Variants in CADM2 observed in about 807,000 individuals in gnomAD.
The protein encoded by CADM2 is immunoglobulin superfamily member 4D.
In CADM2, 12 loss-of-function variants were observed where a neutral mutation model predicts 49.8. The ratio of observed to expected loss-of-function variants is 0.24; its 90% CI spans 0.15 to 0.39. The LOEUF is 0.39. Ranked by LOEUF, CADM2 falls within the 10% of genes least tolerant of loss-of-function variation. The pLI is 1.00. For missense variants in CADM2, 378 were observed against 492.3 expected (o/e 0.77, Z 2.20); for synonymous variants, 214 against 175.4 (o/e 1.22, Z -1.74).
intron 1 of CADM2, among the ~76,000 whole-genome samples, chr3:85,195,542 GACACACACACACAC>G (rs71108270): frequency 6.8e-6 from 1 of 146,870 alleles, no homozygotes; most frequent in East Asian, 2.0e-4. Context: ...AAACCAGCAA[GACACACACACACAC>G]ACACACACAC....
intron 8 of CADM2, among the ~76,000 whole-genome samples, chr3:86,065,040 G>T (rs1328885469): frequency 6.6e-6 from 1 of 152,054 alleles, no homozygotes; most frequent in Non-Finnish European, 1.5e-5. Flanking sequence ...CTCCTTTTCA[G>T]TCTGCACAAC....
chr3:85,577,758 ATTG>A (rs915706523), intron 1 of CADM2, among the ~76,000 whole-genome samples: 11 of 152,120 alleles, frequency 7.2e-5, no homozygotes, highest in East Asian at 3.9e-4. Flanking sequence ...CTCTATTTTT[ATTG>A]TTGTTTTATT....
intron 5 of CADM2, among the ~76,000 whole-genome samples, chr3:85,910,347 A>G (rs529854119): frequency 6.6e-6 from 1 of 152,192 alleles, no homozygotes; most frequent in African/African-American, 2.4e-5. Context: ...AAAAGAAAAT[A>G]AATGTAAAAA....
chr3:85,820,268 C>A (rs1553692119), intron 3 of CADM2, among the ~76,000 whole-genome samples: 3 of 152,062 alleles, frequency 2.0e-5, no homozygotes, highest in South Asian at 2.1e-4. Context: ...GAGAAACGAG[C>A]AGAGAGTGTT....
intron 8 of CADM2, chr3:86,014,516 C>A: frequency 1.3e-6 from 2 of 1,564,538 alleles, no homozygotes; most frequent in Non-Finnish European, 1.7e-6. Context: ...ACAGTGTTCA[C>A]CAAGGTAACT....
intron 2 of CADM2, among the ~76,000 whole-genome samples, chr3:85,784,477 GTAT>G (rs1375657784): frequency 6.6e-6 from 1 of 151,798 alleles, no homozygotes; most frequent in Non-Finnish European, 1.5e-5. Context: ...TAAGAATCAG[GTAT>G]TATTAATATG....
At chr3:85,271,453 T>C (rs1163104794) in intron 1 of CADM2, among the ~76,000 whole-genome samples, 1 of 151,246 alleles carries the variant, frequency 6.6e-6, no homozygotes, top group Admixed American at 6.6e-5. Context: ...CATAGTATAA[T>C]TGGGTCATAA....
At chr3:85,607,138 T>G (rs1179684815) in intron 1 of CADM2, among the ~76,000 whole-genome samples, 1 of 151,984 alleles carries the variant, frequency 6.6e-6, no homozygotes, top group Non-Finnish European at 1.5e-5. Flanking sequence ...GAAAAAAAAT[T>G]AAGAGGTTTA....
chr3:85,802,235 A>G (rs768410792), intron 3 of CADM2, 39 bp downstream of exon 3: 1 of 1,534,726 alleles, frequency 6.5e-7, no homozygotes, highest in Non-Finnish European at 8.9e-7. Context: ...ATCGTATTCT[A>G]AAATATCCTA....
intron 1 of CADM2, among the ~76,000 whole-genome samples, chr3:85,530,242 C>T (rs1270826541): frequency 6.6e-6 from 1 of 151,742 alleles, no homozygotes; most frequent in African/African-American, 2.4e-5. Flanking sequence ...CTTCCTCTAC[C>T]GCCATGATTG....
chr3:85,428,637 A>G (rs2036528526), intron 1 of CADM2, among the ~76,000 whole-genome samples: 2 of 146,284 alleles, frequency 1.4e-5, no homozygotes, highest in South Asian at 4.2e-4. Flanking sequence ...ATATAAAAAT[A>G]TAAGAATTAT....
At position 85,447,575 on chromosome 3, in the gene CADM2, G is replaced by T. The variant is rs910029955; in HGVS notation, c.62-278947G>T. Among the ~76,000 whole-genome samples the T allele has an allele frequency of 4.6e-5, 7 of 152,230 alleles. No individual in the cohort carries two copies. In the East Asian group the frequency reaches 1.2e-3, roughly 25 times the overall value. ...TCATTAATCGTGTTTATTCAAGTTT[G>T]CATTCTATCTACAGCACACGTTGTG... On this transcript the variant is annotated intron_variant, in intron 1 of 9. Transcript: ENST00000383699.
At chr3:85,917,498 G>A (rs1422283964) in intron 6 of CADM2, among the ~76,000 whole-genome samples, 3 of 152,102 alleles carry the variant, frequency 2.0e-5, no homozygotes, top group Non-Finnish European at 2.9e-5. Context: ...CATTATTTCT[G>A]AGGGCTCTGT....
At chr3:86,012,602 A>T (rs1185184717) in intron 8 of CADM2, 1 of 1,579,022 alleles carries the variant, frequency 6.3e-7, no homozygotes, top group East Asian at 2.3e-5. Flanking sequence ...CGCGAAGCGC[A>T]CGCAGTCCGA....
Position 85,508,879 on chromosome 3 carries a change from C to T in CADM2, c.62-217643C>T, listed in dbSNP as rs559219071. On this transcript the variant is annotated intron_variant, in intron 1 of 9. Transcript: ENST00000383699. ...TGTGTGTGTGTATTGAGGGTGTACA[C>T]GCCCATGTTTACCAGAAACAGTGGC... 2.3e-4 allele frequency among the ~76,000 whole-genome samples: 35 copies of T among 151,750 alleles called. No homozygotes were observed. The South Asian group carries it at 6.3e-3, about 27-fold the overall frequency.
At chr3:85,942,926 G>A (rs1465717093) in intron 7 of CADM2, among the ~76,000 whole-genome samples, 4 of 152,028 alleles carry the variant, frequency 2.6e-5, no homozygotes, top group Admixed American at 2.0e-4. Context: ...TTCCACAATG[G>A]TTGAACTAGT....
At chr3:85,260,188 G>A (rs2042983808) in intron 1 of CADM2, among the ~76,000 whole-genome samples, 1 of 151,906 alleles carries the variant, frequency 6.6e-6, no homozygotes, top group Non-Finnish European at 1.5e-5. Flanking sequence ...ATGAATATAT[G>A]TGATTATACT....
At chr3:85,419,203 C>G (rs2036051649) in intron 1 of CADM2, among the ~76,000 whole-genome samples, 1 of 152,148 alleles carries the variant, frequency 6.6e-6, no homozygotes, top group African/African-American at 2.4e-5. Flanking sequence ...CGCCTGTAAT[C>G]CCAGCACTTT....
chr3:85,270,498 T>A (rs1189124015), intron 1 of CADM2, among the ~76,000 whole-genome samples: 1 of 151,440 alleles, frequency 6.6e-6, no homozygotes, highest in East Asian at 1.9e-4. Context: ...ATACTAGCCT[T>A]ATTTTATTAG....
Sources: gnomAD v4.1 joint callset for allele counts (sites outside exome capture counted in the v4.1 genomes callset) on GRCh38, gnomAD v4.1.1 for gene constraint, MANE v1.5 for transcripts, NCBI Gene and HGNC (gene_info 2026-07-23, HGNC 2026-07-21) for gene names.